The following LHPP variants were observed in gnomAD, a reference collection of about 807,000 sequenced individuals.
LHPP encodes hLHPP.
A neutral mutation model predicts 30.3 loss-of-function variants in LHPP; 24 were observed. The ratio of observed to expected loss-of-function variants is 0.79; its 90% CI spans 0.57 to 1.11. The LOEUF (loss-of-function observed/expected upper bound fraction) is 1.11. Ranked by LOEUF, LHPP falls within the 50% of genes most tolerant of loss-of-function variation. LHPP has a pLI of 0.00. For synonymous variants in LHPP, 150 were observed against 157.1 expected (o/e 0.95, Z 0.34); for missense variants, 356 against 367.2 (o/e 0.97, Z 0.25).
chr10:124,497,913 C>A (rs968398543), intron 4 of LHPP, 123 bp from the exon 5 acceptor site: 3 of 766,520 alleles, frequency 3.9e-6, no homozygotes, highest in Middle Eastern at 4.7e-4. Flanking sequence ...CTCAGGCCCA[C>A]AGCATCCTGC....
rs1953620066 is a variant in LHPP, at chr10:124,493,958, A to G, written c.468-3003A>G. The G allele has an allele frequency of 2.0e-5, 3 of 152,362 alleles. No individual in the cohort carries two copies. The South Asian group carries it at 6.2e-4, about 32-fold the overall frequency. 9.4% of individuals were successfully genotyped at this position (152,362 alleles called of 1,614,324 possible). On this transcript the variant is annotated intron_variant, in intron 3 of 6. Coordinates refer to ENST00000368842, the MANE Select transcript of LHPP (RefSeq NM_022126.4). ...TTTTGTTTTTCTGAATGAATAAGGA[A>G]TAAAGAAAAATTCTGGGCACTATAA...
intron 6 of LHPP, among the ~76,000 whole-genome samples, chr10:124,603,934 A>G (rs1424755691): frequency 6.6e-6 from 1 of 152,124 alleles, no homozygotes; most frequent in African/African-American, 2.4e-5. Context: ...GGCAGCTGCT[A>G]AGGCCCGGGC....
chr10:124,480,648 G>A (rs554156296), intron 1 of LHPP, among the ~76,000 whole-genome samples: 6 of 152,258 alleles, frequency 3.9e-5, no homozygotes, highest in East Asian at 3.9e-4. Context: ...ACAAGGTGAC[G>A]CTATTAGTTA....
intron 6 of LHPP, among the ~76,000 whole-genome samples, chr10:124,525,352 G>C (rs1319081352): frequency 2.6e-5 from 4 of 152,218 alleles, no homozygotes; most frequent in African/African-American, 9.6e-5. Context: ...CTGATAGATG[G>C]CAGTGCTGGG....
chr10:124,595,790 A>C (rs1320195178), intron 6 of LHPP, among the ~76,000 whole-genome samples: 1 of 152,194 alleles, frequency 6.6e-6, no homozygotes, highest in African/African-American at 2.4e-5. Flanking sequence ...GACACTTAAA[A>C]ATAAATAAAT....
chr10:124,612,457 C>T (rs1336192536), intron 6 of LHPP, among the ~76,000 whole-genome samples: 1 of 152,050 alleles, frequency 6.6e-6, no homozygotes, highest in African/African-American at 2.4e-5. Context: ...CCCACCTGAC[C>T]CCTTCCTGCT....
chr10:124,537,267 G>T (rs924685898), intron 6 of LHPP, among the ~76,000 whole-genome samples: 1 of 152,234 alleles, frequency 6.6e-6, no homozygotes, highest in African/African-American at 2.4e-5. Flanking sequence ...GAGATCCTGG[G>T]AGCATGGTGA....
chr10:124,526,285 A>C, intron 6 of LHPP: 1 of 968,930 alleles, frequency 1.0e-6, no homozygotes, highest in South Asian at 4.8e-5. Flanking sequence ...TGGCGGGGCC[A>C]GTGCTCATGC....
At chr10:124,551,520 C>T (rs1948165582) in intron 6 of LHPP, among the ~76,000 whole-genome samples, 1 of 152,184 alleles carries the variant, frequency 6.6e-6, no homozygotes, top group Non-Finnish European at 1.5e-5. Flanking sequence ...TCACAGGACC[C>T]TCGGGGTGGA....
chr10:124,575,343 C>A (rs568544699), intron 6 of LHPP, among the ~76,000 whole-genome samples: 90 of 152,256 alleles, frequency 5.9e-4, no homozygotes, highest in African/African-American at 2.1e-3. Context: ...AAGCTGTCCG[C>A]ATCTCCAAGG....
In LHPP at chr10:124,540,370, G is replaced by A. The variant is rs558517970; in HGVS notation, c.716+23099G>A. Reference sequence around the variant, plus strand: ...CCGGGGACCCAGCCTGGTTTCTCCCGCTTTGCTTCGTGGCCAGGCTAGGGC... The same window carrying A: ...CCGGGGACCCAGCCTGGTTTCTCCCACTTTGCTTCGTGGCCAGGCTAGGGC... On this transcript the variant is annotated intron_variant, in intron 6 of 6. Coordinates refer to ENST00000368842, the MANE Select transcript of LHPP (RefSeq NM_022126.4). 2.6e-5 allele frequency among the ~76,000 whole-genome samples: 4 copies of A among 152,286 alleles called. No homozygotes were observed. In the South Asian group the frequency reaches 6.2e-4, roughly 24 times the overall value.
Position 124,482,192 on chromosome 10 carries a change from G to A in LHPP, c.126-1947G>A, listed in dbSNP as rs561489981. ...GTTCTAGTAACTGGGTTGAATCTGC[G>A]TGTATTCATTTCATTGGGCCACATC... On this transcript the variant is annotated intron_variant, in intron 1 of 6. Transcript: ENST00000368842. 3.9e-5 allele frequency among the ~76,000 whole-genome samples: 6 copies of A among 152,324 alleles called. 1 individual carries two copies. Among genetic ancestry groups the A allele is most frequent in the African/African-American group, 9.6e-5 (4 of 41,568 alleles).
chr10:124,545,690 G>T (rs1488539853), intron 6 of LHPP, among the ~76,000 whole-genome samples: 1 of 152,204 alleles, frequency 6.6e-6, no homozygotes, highest in Non-Finnish European at 1.5e-5. Flanking sequence ...GTGAGTGTGT[G>T]TGCACGCTTG....
chr10:124,504,370 T>G (rs1207045908), intron 5 of LHPP, among the ~76,000 whole-genome samples: 18 of 142,936 alleles, frequency 1.3e-4, no homozygotes, highest in Non-Finnish European at 4.5e-5. Flanking sequence ...GGTGGGCAGG[T>G]CATTAGAGCC....
chr10:124,550,452 G>A (rs1948138334), intron 6 of LHPP, among the ~76,000 whole-genome samples: 1 of 152,234 alleles, frequency 6.6e-6, no homozygotes, highest in African/African-American at 2.4e-5. Context: ...CATTCAAAGT[G>A]AGTGCGCCTG....
At chr10:124,474,281 A>G (rs1373194696) in intron 1 of LHPP, among the ~76,000 whole-genome samples, 2 of 151,756 alleles carry the variant, frequency 1.3e-5, no homozygotes, top group Non-Finnish European at 2.9e-5. Flanking sequence ...CTGAGACTAC[A>G]AGTGCACACC....
intron 6 of LHPP, among the ~76,000 whole-genome samples, chr10:124,545,215 C>T (rs148717636): frequency 4.6e-5 from 7 of 152,288 alleles, no homozygotes; most frequent in East Asian, 1.9e-4. Flanking sequence ...GTTTGGATGC[C>T]GGGGCCTCGG....
intron 6 of LHPP, among the ~76,000 whole-genome samples, chr10:124,564,152 C>G (rs1209040041): frequency 6.9e-6 from 1 of 144,908 alleles, no homozygotes; most frequent in African/African-American, 2.6e-5. Flanking sequence ...GAGACGGAGT[C>G]TCGCTCTGTC....
intron 4 of LHPP, 91 bp from the exon 5 acceptor site, chr10:124,497,945 T>TG: frequency 9.8e-7 from 1 of 1,022,106 alleles, no homozygotes; most frequent in Non-Finnish European, 1.5e-6. Context: ...CCTTGACTCT[T>TG]GGGGGCACAT....
Sources: gnomAD v4.1 joint callset for allele counts (sites outside exome capture counted in the v4.1 genomes callset) on GRCh38, gnomAD v4.1.1 for gene constraint, MANE v1.5 for transcripts, NCBI Gene and HGNC (gene_info 2026-07-23, HGNC 2026-07-21) for gene names.